GHR: variants seen among roughly 807,000 people sequenced by gnomAD.
The protein encoded by GHR is growth hormone receptor, also known as GH receptor.
Under a neutral mutation model 67.1 loss-of-function variants are expected in GHR, and 35 were observed. The observed-to-expected ratio is 0.52, with a 90% CI of 0.40 to 0.69. The LOEUF is 0.69. Among genes scored for constraint, GHR ranks in the 30% least tolerant of loss-of-function variants. GHR has a pLI of 0.00. For synonymous variants in GHR, 272 were observed against 269.1 expected, an observed-to-expected ratio of 1.01 and a Z score of -0.10; for missense variants, 792 against 764.6, an observed-to-expected ratio of 1.04 and a Z score of -0.42.
chr5:42,636,538 T>G (rs1190856840), intron 3 of GHR, among the ~76,000 whole-genome samples: 1 of 152,172 alleles, frequency 6.6e-6, no homozygotes, highest in African/African-American at 2.4e-5. Flanking sequence ...AAACCAACTC[T>G]AATCACTGCT....
intron 3 of GHR, among the ~76,000 whole-genome samples, chr5:42,671,672 G>T (rs551748248): frequency 2.0e-5 from 3 of 149,254 alleles, no homozygotes; most frequent in Admixed American, 1.3e-4. Flanking sequence ...TAAGAAACTA[G>T]GCGGCCGGGC....
In GHR at chr5:42,626,168, CAAATT is replaced by C. The variant is rs753801778; in HGVS notation, c.71-2869_71-2865del. Among the ~76,000 whole-genome samples the C allele has an allele frequency of 3.6e-4, 55 of 152,142 alleles. 1 individual carries two copies. Among genetic ancestry groups the C allele is most frequent in the African/African-American group, 1.3e-3 (55 of 41,408 alleles). ...CAGTGGGACACCAACTGGGTGTTCT[CAAATT>C]CAATTCAATTCTGACAATCTACCTA... On this transcript the variant is annotated intron_variant, in intron 2 of 9. Coordinates refer to ENST00000230882, the MANE Select transcript of GHR (RefSeq NM_000163.5).
intron 1 of GHR, among the ~76,000 whole-genome samples, chr5:42,475,581 A>G (rs1012984451): frequency 6.7e-6 from 1 of 149,770 alleles, no homozygotes; most frequent in Non-Finnish European, 1.5e-5. Flanking sequence ...TGTATTTGTA[A>G]TTATGTATTT....
At chr5:42,579,118 GATAGATAGATAGATAGATA>G (rs1561138689) in intron 2 of GHR, among the ~76,000 whole-genome samples, 2 of 79,316 alleles carry the variant, frequency 2.5e-5, no homozygotes, top group Non-Finnish European at 5.4e-5. Context: ...TAGATAGATA[GATAGATAGATAGATAGATA>G]GATGATAGAT....
chr5:42,625,156 G>A (rs1753638295), intron 2 of GHR, among the ~76,000 whole-genome samples: 1 of 152,110 alleles, frequency 6.6e-6, no homozygotes, highest in Non-Finnish European at 1.5e-5. Context: ...AAGCGGCTCA[G>A]GGGCAGGTGA....
intron 2 of GHR, among the ~76,000 whole-genome samples, chr5:42,617,973 C>G (rs1181471493): frequency 6.6e-6 from 1 of 151,998 alleles, no homozygotes; most frequent in Non-Finnish European, 1.5e-5. Context: ...ACCGTTTTGA[C>G]TCTCATTTAA....
intron 1 of GHR, among the ~76,000 whole-genome samples, chr5:42,526,678 C>T (rs1418350164): frequency 6.6e-6 from 1 of 152,116 alleles, no homozygotes; most frequent in Non-Finnish European, 1.5e-5. Flanking sequence ...AAGTTGAAGC[C>T]ATTCTCCCCA....
chr5:42,661,387 C>A (rs1453886967), intron 3 of GHR, among the ~76,000 whole-genome samples: 2 of 152,226 alleles, frequency 1.3e-5, no homozygotes, highest in Non-Finnish European at 2.9e-5. Flanking sequence ...GGAAGCCCAT[C>A]AGTCTAACAG....
chr5:42,507,022 A>G lies in GHR; in HGVS notation c.-11-58842A>G, dbSNP rs1579836768. Among the ~76,000 whole-genome samples the G allele has an allele frequency of 3.3e-5, 5 of 152,356 alleles. No individual in the cohort carries two copies. In the South Asian group the frequency reaches 1.0e-3, roughly 32 times the overall value. ...GCACAAATTAGCTATCAAATGGGTC[A>G]GTTGTTACTGTTGGAAACTTATGAA... On this transcript the variant is annotated intron_variant, in intron 1 of 9. Coordinates refer to ENST00000230882, the MANE Select transcript of GHR (RefSeq NM_000163.5).
chr5:42,651,001 T>A (rs766825905), intron 3 of GHR, among the ~76,000 whole-genome samples: 99 of 152,102 alleles, frequency 6.5e-4, no homozygotes, highest in Admixed American at 5.9e-4. Context: ...ATAGTGGAAT[T>A]GTTGAATAGG....
intron 1 of GHR, among the ~76,000 whole-genome samples, chr5:42,456,266 G>A (rs550817641): frequency 8.5e-5 from 13 of 152,190 alleles, no homozygotes; most frequent in Non-Finnish European, 1.3e-4. Flanking sequence ...AGCCGAGATC[G>A]TGCCACTGCA....
chr5:42,477,714 AC>A (rs1745404963), intron 1 of GHR, among the ~76,000 whole-genome samples: 1 of 151,960 alleles, frequency 6.6e-6, no homozygotes, highest in Non-Finnish European at 1.5e-5. Context: ...TCCCTCACCC[AC>A]TTTTTGATGG....
chr5:42,467,745 C>T, intron 1 of GHR: 1 of 1,555,864 alleles, frequency 6.4e-7, no homozygotes, highest in South Asian at 1.1e-5. Flanking sequence ...TGTGGATTCT[C>T]TGATGCACAA....
At chr5:42,545,465 A>T (rs890945848) in intron 1 of GHR, among the ~76,000 whole-genome samples, 5 of 152,218 alleles carry the variant, frequency 3.3e-5, no homozygotes, top group African/African-American at 1.2e-4. Flanking sequence ...AATTTATTTT[A>T]TACTACATTA....
chr5:42,693,713 C>T (rs770992314), intron 4 of GHR, among the ~76,000 whole-genome samples: 2 of 152,178 alleles, frequency 1.3e-5, no homozygotes, highest in Admixed American at 6.5e-5. Flanking sequence ...TCCACTGCTG[C>T]CCAGCACCCA....
intron 1 of GHR, among the ~76,000 whole-genome samples, chr5:42,474,257 C>CAGACAGACAGACAGAAAGAA (rs1182799025): frequency 2.3e-5 from 2 of 87,940 alleles, no homozygotes; most frequent in African/African-American, 8.6e-5. Context: ...GAAAGACAGA[C>CAGACAGACAGACAGAAAGAA]AGAAAGAAAG....
At chr5:42,686,301 A>T (rs1757137478) in intron 3 of GHR, among the ~76,000 whole-genome samples, 1 of 151,980 alleles carries the variant, frequency 6.6e-6, no homozygotes, top group Non-Finnish European at 1.5e-5. Flanking sequence ...ATTGGTCTAT[A>T]TATCTTATTT....
At chr5:42,709,404 A>G (rs1758342731) in intron 6 of GHR, among the ~76,000 whole-genome samples, 1 of 152,154 alleles carries the variant, frequency 6.6e-6, no homozygotes. Flanking sequence ...CGGCCTCCCA[A>G]AGTGCTGGGA....
At chr5:42,526,970 T>C (rs1464647442) in intron 1 of GHR, among the ~76,000 whole-genome samples, 3 of 152,212 alleles carry the variant, frequency 2.0e-5, no homozygotes, top group African/African-American at 4.8e-5. Context: ...AAGAATTTCA[T>C]ATCCAGCTGA....
Sources: allele counts gnomAD v4.1 joint callset (sites outside exome capture counted in the v4.1 genomes callset), GRCh38; gene constraint gnomAD v4.1.1; transcripts MANE v1.5; gene names NCBI Gene and HGNC (gene_info 2026-07-23, HGNC 2026-07-21).